Variants in EIF4G1 observed in about 807,000 individuals in gnomAD.
The protein encoded by EIF4G1 is eukaryotic translation initiation factor 4 gamma 1, also known as EIF4-gamma.
EIF4G1 carries 4 observed loss-of-function variants against 187.8 expected under a neutral mutation model. The observed-to-expected ratio is 0.02, with a 90% CI of 0.01 to 0.05. The LOEUF is 0.05. Ranked by LOEUF, EIF4G1 falls within the 10% of genes least tolerant of loss-of-function variation. The probability of loss-of-function intolerance (pLI) is 1.00; values close to 1 mark genes in which losing one functional copy is unlikely to be tolerated. For missense variants in EIF4G1, 1,647 were observed against 2,081.1 expected, an observed-to-expected ratio of 0.79 and a Z score of 4.06; for synonymous variants, 844 against 781.4, an observed-to-expected ratio of 1.08 and a Z score of -1.34.
rs1726871677 is a variant in EIF4G1, at chr3:184,335,086, C to G, written c.*178C>G. On this transcript the variant is annotated 3_prime_UTR_variant, in exon 33 of 33. Transcript: ENST00000346169. ...GCTTGGGGCTGCCTGGGCCCCCCTCCAGGATGCCGCCAGGTGTCCCTCTCC... is the reference window on the plus strand; with the variant it reads ...GCTTGGGGCTGCCTGGGCCCCCCTCGAGGATGCCGCCAGGTGTCCCTCTCC... The G allele has an allele frequency of 2.6e-6, 2 of 756,246 alleles. No homozygotes were observed. Among genetic ancestry groups the G allele is most frequent in the South Asian group, 3.4e-5 (2 of 59,280 alleles). The allele number at this position is 756,246 out of a possible 1,614,324, so 46.8% of individuals were successfully genotyped here. A position where few individuals can be genotyped will look rare whatever the true frequency, so the allele number is the denominator to read the frequency against.
At position 184,322,861 on chromosome 3, in the gene EIF4G1, C is replaced by T. The variant is rs146877644; in HGVS notation, c.1836C>T (p.Tyr612=). The part of the protein sequence containing the change: ...KPLNLEEKKR[Y]DREFLLGFQF... Reference sequence around the variant, plus strand: ...TAAACCTAGAGGAGAAAAAACGTTACGACCGTGAGTTCCTGCTTGGTTTTC... The same window carrying T: ...TAAACCTAGAGGAGAAAAAACGTTATGACCGTGAGTTCCTGCTTGGTTTTC... Residue 612 remains tyrosine (Y), a synonymous_variant, in exon 13 of 33, where the codon TAC becomes TAT. Transcript: ENST00000346169. 1.0e-4 allele frequency: 161 copies of T among 1,614,146 alleles called. No homozygotes were observed. The African/African-American group carries it at 1.2e-3, about 12-fold the overall frequency.
rs1257292439 is a variant in EIF4G1, at chr3:184,319,747, C to A, written c.483C>A (p.Thr161=). The change falls in exon 7 of 33, where the codon ACC becomes ACA. Residue 161 remains threonine, a synonymous_variant. Transcript: ENST00000346169. ...VQQFPTGVAP[T]PVLMNQPPQI... is the part of the protein sequence containing the mutation. ...AGTTTCCCACTGGCGTGGCCCCCAC[C>A]CCAGTTTTGATGAACCAGCCACCCC... The A allele has an allele frequency of 3.1e-6, 5 of 1,608,564 alleles. No individual in the cohort carries two copies. The highest frequency in any genetic ancestry group is 3.4e-6 in the Non-Finnish European group (4 of 1,177,710).
rs908510462 is a variant in EIF4G1 at position 184,323,184 on chromosome 3, C to G, written c.2031C>G (p.Thr677=). Residue 677 remains threonine (T), a synonymous_variant, in exon 14 of 33, where the codon ACC becomes ACG. Transcript: ENST00000346169. The surrounding 1 kb of genome is among the most constrained non-coding windows in gnomAD (Gnocchi z 6.9). The stretch of plus-strand genomic sequence containing the variant: ...CCTTTGCCAACCTTGGCCGGACAAC[C>G]CTTAGCACCCGTGGGCCCCCAAGGG... The part of the protein sequence containing the change: ...TPSFANLGRT[T]LSTRGPPRGG... 2 of 1,614,244 alleles carry G rather than the reference C, an allele frequency of 1.2e-6. No individual in the cohort carries two copies. Among genetic ancestry groups the G allele is most frequent in the Non-Finnish European group, 1.7e-6 (2 of 1,180,050 alleles).
intron 2 of EIF4G1, 49 bp from the exon 3 acceptor site, chr3:184,315,714 C>G (rs932156115): frequency 6.9e-7 from 1 of 1,453,138 alleles, no homozygotes; most frequent in Non-Finnish European, 9.5e-7. Context: ...CCCCATTTGC[C>G]TTAAGCTTGG....
At chr3:184,328,085 A>C (rs757572738) in intron 26 of EIF4G1, 83 bp downstream of exon 26, 9 of 1,517,354 alleles carry the variant, frequency 5.9e-6, no homozygotes, top group Non-Finnish European at 8.1e-6. Context: ...AACCTTGCAT[A>C]AGAGTGTAGG....
At chr3:184,318,552 G>A (rs1723189578) in intron 6 of EIF4G1, among the ~76,000 whole-genome samples, 1 of 152,142 alleles carries the variant, frequency 6.6e-6, no homozygotes, top group South Asian at 2.1e-4. Flanking sequence ...AGGTGTTCGA[G>A]ACCAGCCTGG....
At position 184,328,631 on chromosome 3, in the gene EIF4G1, G is replaced by C; in HGVS notation, c.3954G>C (p.Gly1318=). 1 of 1,614,170 alleles carries C rather than the reference G, an allele frequency of 6.2e-7. No individual in the cohort carries two copies. Among genetic ancestry groups the C allele is most frequent in the African/African-American group, 1.3e-5 (1 of 75,046 alleles). The part of the protein sequence containing the change: ...GHLSTAQYYQ[G]LYEILELAED... Reference sequence around the variant, plus strand: ...TCTTGACTTTGAATTCCCTTGGCAGGTTGTATGAAATCTTGGAATTGGCTG... The same window carrying C: ...TCTTGACTTTGAATTCCCTTGGCAGCTTGTATGAAATCTTGGAATTGGCTG... Residue 1318 remains glycine, a splice_region_variant and synonymous_variant, in exon 27 of 33, where the codon GGG becomes GGC. Transcript: ENST00000346169.
rs958432194 is a variant in EIF4G1 at position 184,331,488 on chromosome 3, T to G, written c.4277T>G (p.Leu1426Arg). 12 of 1,614,082 alleles carry G rather than the reference T, an allele frequency of 7.4e-6. No individual in the cohort carries two copies. The highest frequency in any genetic ancestry group is 1.3e-5 in the African/African-American group (1 of 74,920). The part of the protein sequence containing the change: ...FVAEQKVEYT[L>R]GEESEAPGQR... ...CCATTGCAGAAGGTGGAGTATACCC[T>G]GGGAGAGGAGTCGGAAGCCCCTGGC... Residue 1426 changes from leucine (L) to arginine (R), a missense_variant, in exon 30 of 33, where the codon CTG (leucine) becomes CGG (arginine). Leu to Arg is a moderately radical substitution (Grantham distance 102). Transcript: ENST00000346169.
chr3:184,319,453 GTGTGTGTGTGTGTT>G (rs60445553), intron 6 of EIF4G1, among the ~76,000 whole-genome samples: 20,246 of 74,282 alleles, frequency 0.27, 1,523 homozygotes, highest in African/African-American at 0.4. Context: ...GTGTGTGTGT[GTGTGTGTGTGTGTT>G]TGTGTGTGTG....
At position 184,321,314 on chromosome 3, in the gene EIF4G1, C is replaced by A; in HGVS notation, c.730C>A (p.Arg244=). The change falls in exon 10 of 33, where the codon CGG becomes AGG. Residue 244 remains arginine, a synonymous_variant. Coordinates refer to ENST00000346169, the MANE Select transcript of EIF4G1 (RefSeq NM_198241.3). ...DRSQGAIIAD[R]PGLPGPEHSP... ...GTCACAGGGAGCAATCATTGCTGAC[C>A]GGCCAGGGCTGCCTGGCCCAGAGCA... The A allele has an allele frequency of 6.2e-7, 1 of 1,614,148 alleles. No homozygotes were observed. The highest frequency in any genetic ancestry group is 8.5e-7 in the Non-Finnish European group (1 of 1,180,030).
At chr3:184,317,983 G>T (rs1210700319) in intron 6 of EIF4G1, among the ~76,000 whole-genome samples, 167 bp downstream of exon 6, 2 of 152,176 alleles carry the variant, frequency 1.3e-5, no homozygotes, top group African/African-American at 4.8e-5. Context: ...GGTGTTGATT[G>T]TGGGGAGAAA....
At position 184,327,964 on chromosome 3, in the gene EIF4G1, C is replaced by T. The variant is rs763824616; in HGVS notation, c.3915C>T (p.Leu1305=). The change falls in exon 26 of 33, where the codon CTC becomes CTT. Residue 1305 remains leucine (L), a synonymous_variant. Coordinates refer to ENST00000346169, the MANE Select transcript of EIF4G1 (RefSeq NM_198241.3). ...EHMGQLLHQL[L]CAGHLSTAQY... is the part of the protein sequence containing the mutation. ...TGGGGCAGCTGCTGCACCAGCTGCT[C>T]TGTGCTGGGCATCTGTCTACTGCTC... The T allele has an allele frequency of 6.2e-7, 1 of 1,609,796 alleles. No homozygotes were observed. The highest frequency in any genetic ancestry group is 1.3e-5 in the African/African-American group (1 of 75,064).
chr3:184,326,471 G>A, intron 21 of EIF4G1, 56 bp from the exon 22 acceptor site: 15 of 1,593,380 alleles, frequency 9.4e-6, no homozygotes, highest in Non-Finnish European at 8.6e-7. Flanking sequence ...TGGTGGTGCT[G>A]GCCAAGGGAC....
chr3:184,321,692 C>G lies in EIF4G1; in HGVS notation c.1108C>G (p.Leu370Val). The G allele has an allele frequency of 6.3e-7, 1 of 1,593,770 alleles. No individual in the cohort carries two copies. The highest frequency in any genetic ancestry group is 1.1e-5 in the South Asian group (1 of 88,190). ...TAATGGCATGGTCCCATCTGAAGAT[C>G]TGGAACCAGAGGTGGAGTCAAGCCC... is the stretch of plus-strand genomic sequence containing the variant. The part of the protein sequence containing the change: ...EPNGMVPSED[L>V]EPEVESSPEL... Residue 370 changes from leucine to valine, a missense_variant, in exon 10 of 33, where the codon CTG becomes GTG. Leu to Val is a conservative substitution (Grantham distance 32). Transcript: ENST00000346169.
chr3:184,321,586 G>A lies in EIF4G1; in HGVS notation c.1002G>A (p.Pro334=), dbSNP rs759513837. 22 of 1,613,926 alleles carry A rather than the reference G, an allele frequency of 1.4e-5. No individual in the cohort carries two copies. The highest frequency in any genetic ancestry group is 1.6e-4 in the Middle Eastern group (1 of 6,084). ...ILEVEVTLSK[P]VPESEFSSSP... ...AAGTAGAAGTGACACTTAGCAAACC[G>A]GTTCCAGAATCTGAGTTTTCTTCCA... The change falls in exon 10 of 33, where the codon CCG becomes CCA. Residue 334 remains proline (P), a synonymous_variant. Transcript: ENST00000346169.
chr3:184,323,331 G>C lies in EIF4G1; in HGVS notation c.2089-77G>C. ...TGCCCGCGGGGAGGGGTTTGCCCTGGAGGCGTGTAGTAGTGGTGTCACATA... is the reference window on the plus strand; with the variant it reads ...TGCCCGCGGGGAGGGGTTTGCCCTGCAGGCGTGTAGTAGTGGTGTCACATA... On this transcript the variant is annotated intron_variant, in intron 14 of 32. Coordinates refer to ENST00000346169, the MANE Select transcript of EIF4G1 (RefSeq NM_198241.3). The surrounding 1 kb of genome is among the most constrained non-coding windows in gnomAD (Gnocchi z 6.9). 1.2e-6 allele frequency: 2 copies of C among 1,611,572 alleles called. No homozygotes were observed. The highest frequency in any genetic ancestry group is 1.7e-6 in the Non-Finnish European group (2 of 1,178,250).
chr3:184,327,265 C>A lies in EIF4G1; in HGVS notation c.3478C>A (p.Arg1160Ser), dbSNP rs1425712161. 1.2e-6 allele frequency: 2 copies of A among 1,613,394 alleles called. No homozygotes were observed. Among genetic ancestry groups the A allele is most frequent in the Non-Finnish European group, 8.5e-7 (1 of 1,180,052 alleles). The change falls in exon 24 of 33, where the codon CGC becomes AGC. Residue 1160 changes from arginine (R) to serine (S), a missense_variant. Physicochemically the swap from Arg to Ser is moderately radical, Grantham distance 110 (BLOSUM62 -1). Transcript: ENST00000346169. ...CGAGAAAGCTGGAGACCGAGGAGACCGCCTAGAGCGGAGTGAACGGGGAGG... is the reference window on the plus strand; with the variant it reads ...CGAGAAAGCTGGAGACCGAGGAGACAGCCTAGAGCGGAGTGAACGGGGAGG... ...RGEKAGDRGD[R>S]LERSERGGDR...
chr3:184,332,629 G>T (rs1726334303), intron 32 of EIF4G1, among the ~76,000 whole-genome samples: 1 of 152,130 alleles, frequency 6.6e-6, no homozygotes, highest in African/African-American at 2.4e-5. Context: ...CTGGGAAGAC[G>T]GGTGCTCTCG....
At chr3:184,315,094 C>G in intron 1 of EIF4G1, 1 of 325,468 alleles carries the variant, frequency 3.1e-6, no homozygotes. Context: ...GCAGGGAGGG[C>G]GCAGGGGAGG....
Sources: allele counts gnomAD v4.1 joint callset (sites outside exome capture counted in the v4.1 genomes callset), GRCh38; gene constraint gnomAD v4.1.1; non-coding constraint Gnocchi (gnomAD v3.1); transcripts MANE v1.5; gene names NCBI Gene and HGNC (gene_info 2026-07-23, HGNC 2026-07-21).